DMD: variants seen among roughly 807,000 people sequenced by gnomAD.
The protein encoded by DMD is mutant dystrophin.
In DMD, 63 loss-of-function variants were observed where a neutral mutation model predicts 330.1. The observed-to-expected ratio is 0.19, with a 90% confidence interval of 0.16 to 0.24. The LOEUF is 0.24. Ranked by LOEUF, DMD falls within the 10% of genes least tolerant of loss-of-function variation. The pLI is 1.00. For missense variants in DMD, 3,344 were observed against 2,684.1 expected, an observed-to-expected ratio of 1.25 and a Z score of -5.43; for synonymous variants, 1,223 against 959.8, an observed-to-expected ratio of 1.27 and a Z score of -5.07.
intron 6 of DMD, 100 bp from the exon 7 acceptor site, chrX:32,809,711 A>C: frequency 1.5e-6 from 1 of 668,421 alleles, no homozygotes; most frequent in East Asian, 3.4e-5. Flanking sequence ...ATTGACAACC[A>C]ATGCCCATAG....
At chrX:31,772,823 T>C (rs1365343491) in intron 51 of DMD, among the ~76,000 whole-genome samples, 1 of 111,692 alleles carries the variant, frequency 9.0e-6, no homozygotes, top group Non-Finnish European at 1.9e-5. Context: ...TACATATATG[T>C]AGTATTTACA....
At chrX:31,815,464 A>G (rs2092599832) in intron 50 of DMD, among the ~76,000 whole-genome samples, 2 of 110,529 alleles carry the variant, frequency 1.8e-5, no homozygotes, top group African/African-American at 6.6e-5. Context: ...AAAAAGAGAG[A>G]GAGAGAGATG....
intron 1 of DMD, among the ~76,000 whole-genome samples, chrX:33,219,347 T>TGC (rs2148872601): frequency 1.0e-5 from 1 of 96,024 alleles, no homozygotes; most frequent in East Asian, 3.0e-4. Context: ...TGTGTGTGTG[T>TGC]GTGTGTGTTC....
intron 76 of DMD, among the ~76,000 whole-genome samples, chrX:31,145,755 T>C (rs2036610974): frequency 9.3e-6 from 1 of 107,342 alleles, no homozygotes; most frequent in Admixed American, 9.9e-5. Flanking sequence ...CTCCGCCTCC[T>C]GGGCTCAAGC....
intron 1 of DMD, among the ~76,000 whole-genome samples, chrX:33,126,628 T>C (rs1233931309): frequency 4.5e-5 from 5 of 112,081 alleles, no homozygotes; most frequent in African/African-American, 1.3e-4. Context: ...AACAAATACA[T>C]AAATCAAGGA....
At chrX:32,403,088 A>G (rs1251171682) in intron 30 of DMD, among the ~76,000 whole-genome samples, 1 of 111,679 alleles carries the variant, frequency 9.0e-6, no homozygotes, top group Non-Finnish European at 1.9e-5. Flanking sequence ...GAATGGGAAT[A>G]GACGGGGAAA....
chrX:32,077,927 AT>A (rs1260610934), intron 44 of DMD, among the ~76,000 whole-genome samples: 6 of 110,650 alleles, frequency 5.4e-5, no homozygotes, highest in Admixed American at 1.9e-4. Context: ...GGTATTCTAT[AT>A]TGGATGTCCC....
chrX:32,479,474 T>C (rs1215751829), intron 21 of DMD, among the ~76,000 whole-genome samples: 1 of 110,142 alleles, frequency 9.1e-6, no homozygotes, highest in African/African-American at 3.3e-5. Context: ...ACCTTTCTAT[T>C]TTCTGTTTCT....
chrX:33,210,693 T>C (rs930637360), intron 1 of DMD, among the ~76,000 whole-genome samples: 7 of 111,744 alleles, frequency 6.3e-5, no homozygotes, highest in African/African-American at 2.3e-4. Context: ...GAAAAGAGCA[T>C]TTGAAATAGT....
intron 2 of DMD, among the ~76,000 whole-genome samples, chrX:32,932,554 A>T (rs2089681582): frequency 8.9e-6 from 1 of 112,088 alleles, no homozygotes; most frequent in Non-Finnish European, 1.9e-5. Flanking sequence ...AAAAAAGGGC[A>T]ACATTTAATA....
intron 4 of DMD, among the ~76,000 whole-genome samples, chrX:32,843,543 T>C (rs1046584829): frequency 1.8e-5 from 2 of 112,226 alleles, no homozygotes; most frequent in Non-Finnish European, 3.8e-5. Flanking sequence ...TCCATTTCCA[T>C]ATCTTATGTA....
intron 59 of DMD, among the ~76,000 whole-genome samples, chrX:31,463,777 C>T (rs1351066660): frequency 9.0e-6 from 1 of 111,416 alleles, no homozygotes; most frequent in Non-Finnish European, 1.9e-5. Flanking sequence ...TTCTTGCTCC[C>T]TCAGCTTGGT....
Position 32,956,494 on chromosome X carries a change from C to A in DMD, c.93+63645G>T, listed in dbSNP as rs750353924. ...ACTGCATGCAACAGATGCAATGGAA[C>A]AGATTTCTCTCTGTTGTTGGTGTAT... On this transcript the variant is annotated intron_variant, in intron 2 of 78. Transcript: ENST00000357033. Among the ~76,000 whole-genome samples the A allele has an allele frequency of 3.6e-5, 4 of 111,511 alleles. No homozygotes were observed. In the South Asian group the frequency reaches 1.5e-3, roughly 42 times the overall value.
intron 7 of DMD, among the ~76,000 whole-genome samples, chrX:32,782,185 A>G (rs1241829627): frequency 8.9e-6 from 1 of 112,090 alleles, no homozygotes; most frequent in Non-Finnish European, 1.9e-5. Context: ...TAACATTAAA[A>G]AGGTTCTTTT....
chrX:32,392,683 G>A (rs1418554120), intron 30 of DMD, among the ~76,000 whole-genome samples: 1 of 112,359 alleles, frequency 8.9e-6, no homozygotes, highest in African/African-American at 3.2e-5. Context: ...TTGACTCTTT[G>A]ACTGCTTTGA....
intron 44 of DMD, among the ~76,000 whole-genome samples, chrX:32,039,715 C>G (rs1270467135): frequency 8.9e-6 from 1 of 112,053 alleles, no homozygotes; most frequent in East Asian, 2.8e-4. Context: ...GTGAGGGTCT[C>G]AAAATGTTCC....
chrX:32,991,759 CCA>C (rs770919515), intron 2 of DMD, among the ~76,000 whole-genome samples: 3 of 111,710 alleles, frequency 2.7e-5, no homozygotes, highest in East Asian at 5.6e-4. Context: ...TAAAAAAATG[CCA>C]CAGATTCTTG....
intron 9 of DMD, among the ~76,000 whole-genome samples, chrX:32,688,135 T>C (rs2063014559): frequency 9.0e-6 from 1 of 111,202 alleles, no homozygotes; most frequent in Non-Finnish European, 1.9e-5. Context: ...GGAACACAGA[T>C]TAGCTAAATT....
chrX:31,622,881 C>T (rs867069720), intron 55 of DMD, among the ~76,000 whole-genome samples: 20 of 94,891 alleles, frequency 2.1e-4, no homozygotes, highest in African/African-American at 6.1e-4. Context: ...TATATATACA[C>T]ACACACACAC....
Sources: gnomAD v4.1 joint callset for allele counts (sites outside exome capture counted in the v4.1 genomes callset) on GRCh38, gnomAD v4.1.1 for gene constraint, MANE v1.5 for transcripts, NCBI Gene and HGNC (gene_info 2026-07-23, HGNC 2026-07-21) for gene names.